Variants in SLC2A9 observed in about 807,000 individuals in gnomAD.
The protein encoded by SLC2A9 is solute carrier family 2, facilitated glucose transporter member 9.
In SLC2A9, 39 loss-of-function variants were observed where a neutral mutation model predicts 50.6. The ratio of observed to expected loss-of-function variants is 0.77; its 90% CI spans 0.60 to 1.01. The LOEUF (loss-of-function observed/expected upper bound fraction) is 1.01, where lower values mean the gene tolerates loss of function less well. Ranked by LOEUF, SLC2A9 falls within the 50% of genes least tolerant of loss-of-function variation. The probability of loss-of-function intolerance (pLI) is 0.00; values close to 1 mark genes in which losing one functional copy is unlikely to be tolerated. For missense variants in SLC2A9, 686 were observed against 677.6 expected (o/e 1.01, Z -0.14); for synonymous variants, 324 against 276.9 (o/e 1.17, Z -1.69).
chr4:9,850,037 C>T (rs1253577277), intron 10 of SLC2A9, among the ~76,000 whole-genome samples: 2 of 151,742 alleles, frequency 1.3e-5, no homozygotes, highest in East Asian at 3.9e-4. Context: ...ACTCAAGCCA[C>T]ATCTTCAGAG....
At chr4:9,941,691 C>T (rs962672324) in intron 6 of SLC2A9, among the ~76,000 whole-genome samples, 1 of 152,194 alleles carries the variant, frequency 6.6e-6, no homozygotes, top group Non-Finnish European at 1.5e-5. Flanking sequence ...TTTCCAGATT[C>T]CCTGGGAGAC....
intron 6 of SLC2A9, among the ~76,000 whole-genome samples, chr4:9,938,493 G>A (rs1024502213): frequency 3.9e-5 from 6 of 152,132 alleles, no homozygotes. Context: ...GGATGGTCTC[G>A]ATCTCCTGAC....
chr4:9,877,949 C>T lies in SLC2A9; in HGVS notation c.1291+9618G>A, dbSNP rs115610417. Among the ~76,000 whole-genome samples the T allele has an allele frequency of 6.2e-3, 948 of 152,176 alleles. 12 individuals carry two copies. The highest frequency in any genetic ancestry group is 0.022 in the African/African-American group (897 of 41,506). On this transcript the variant is annotated intron_variant, in intron 10 of 11. Transcript: ENST00000264784. ...ACTGTTTGCAGGAGGGTTTCCTCCTCGGGGTCAGCCGGGGCCAGCAGCCAA... is the reference window on the plus strand; with the variant it reads ...ACTGTTTGCAGGAGGGTTTCCTCCTTGGGGTCAGCCGGGGCCAGCAGCCAA...
intron 3 of SLC2A9, among the ~76,000 whole-genome samples, chr4:9,805,752 A>G (rs1440971706): frequency 5.5e-5 from 8 of 145,398 alleles, no homozygotes; most frequent in Non-Finnish European, 1.2e-4. Flanking sequence ...AGAAGCATCC[A>G]CTCTATCTTC....
chr4:9,927,297 G>A (rs979435203), intron 6 of SLC2A9, among the ~76,000 whole-genome samples: 2 of 152,190 alleles, frequency 1.3e-5, no homozygotes, highest in Admixed American at 1.3e-4. Flanking sequence ...GATTACAGGC[G>A]TGAGCCACCA....
intron 10 of SLC2A9, among the ~76,000 whole-genome samples, chr4:9,878,166 G>T (rs946494800): frequency 7.3e-5 from 11 of 151,468 alleles, no homozygotes; most frequent in African/African-American, 2.4e-4. Flanking sequence ...ATATAAAATT[G>T]CAATATATAT....
At chr4:9,925,616 T>C (rs1744753222) in intron 6 of SLC2A9, among the ~76,000 whole-genome samples, 1 of 152,208 alleles carries the variant, frequency 6.6e-6, no homozygotes, top group Non-Finnish European at 1.5e-5. Context: ...AAAATCAATG[T>C]GTGTTAAGTG....
chr4:9,792,438 T>C (rs1720063459), intron 3 of SLC2A9, among the ~76,000 whole-genome samples: 2 of 151,842 alleles, frequency 1.3e-5, no homozygotes, highest in African/African-American at 4.8e-5. Context: ...TTCTTCTGCC[T>C]CAGCCCCCAC....
rs71179491 is a variant in SLC2A9, at chr4:9,772,825, AT to A, written n.182-1457del. Among the ~76,000 whole-genome samples the A allele has an allele frequency of 2.0e-3, 291 of 147,882 alleles. 1 individual carries two copies. The highest frequency in any genetic ancestry group is 6.4e-3 in the African/African-American group (256 of 40,112). On this transcript the variant is annotated intron_variant and non_coding_transcript_variant, in intron 1 of 1. Transcript: ENST00000508585. Reference sequence around the variant, plus strand: ...GGGATGCCATTTTATTTTTTTTTTTATTTTTTTTTTATTATACTCTAAGTTT... The same window carrying A: ...GGGATGCCATTTTATTTTTTTTTTTATTTTTTTTTATTATACTCTAAGTTT...
At chr4:10,008,539 T>C (rs1160777451) in intron 2 of SLC2A9, among the ~76,000 whole-genome samples, 4 of 152,242 alleles carry the variant, frequency 2.6e-5, no homozygotes, top group Non-Finnish European at 4.4e-5. Flanking sequence ...ACACTGCTGT[T>C]AAACATCCTG....
At chr4:9,884,209 A>G (rs1735753561) in intron 10 of SLC2A9, among the ~76,000 whole-genome samples, 1 of 152,208 alleles carries the variant, frequency 6.6e-6, no homozygotes, top group Non-Finnish European at 1.5e-5. Flanking sequence ...AGTGACTCAG[A>G]ATTCAGACTG....
chr4:9,879,785 T>G (rs192979234), intron 10 of SLC2A9: 406 of 985,440 alleles, frequency 4.1e-4, no homozygotes, highest in Middle Eastern at 3.7e-3. Context: ...ATTGACACAT[T>G]TTGGCAACGA....
At chr4:9,776,275 G>A (rs1184059519), downstream of SLC2A9, among the ~76,000 whole-genome samples, 3 of 151,668 alleles carry the variant, frequency 2.0e-5, no homozygotes, top group African/African-American at 4.8e-5. Context: ...GGGCAGGAGA[G>A]TGGCTTAGAA....
intron 2 of SLC2A9, among the ~76,000 whole-genome samples, chr4:10,001,014 C>T (rs1329048748): frequency 6.6e-6 from 1 of 152,182 alleles, no homozygotes; most frequent in Non-Finnish European, 1.5e-5. Context: ...ACTCCCCAAA[C>T]CTCAGAATGG....
At chr4:9,905,273 C>A (rs1740451450) in intron 8 of SLC2A9, among the ~76,000 whole-genome samples, 2 of 152,234 alleles carry the variant, frequency 1.3e-5, no homozygotes, top group Non-Finnish European at 2.9e-5. Context: ...AGCAAAACAT[C>A]ATTTATCCTT....
At chr4:9,795,801 G>A (rs945934151), downstream of SLC2A9, among the ~76,000 whole-genome samples, 1 of 152,182 alleles carries the variant, frequency 6.6e-6, no homozygotes, top group African/African-American at 2.4e-5. Context: ...TGTGTGGCTA[G>A]AGGGCATTTT....
intron 5 of SLC2A9, among the ~76,000 whole-genome samples, chr4:9,957,192 A>G (rs1287453620): frequency 2.0e-5 from 3 of 152,014 alleles, no homozygotes; most frequent in Admixed American, 2.0e-4. Flanking sequence ...CATACCAGAT[A>G]CAGCAGCAAA....
At chr4:9,831,516 G>A (rs6449027) in intron 11 of SLC2A9, among the ~76,000 whole-genome samples, 143,302 of 152,256 alleles carry the variant, frequency 0.94, 67,714 homozygotes, top group Non-Finnish European at 0.96. Context: ...GCCATAACAT[G>A]GGAAGGGCAT....
intron 3 of SLC2A9, among the ~76,000 whole-genome samples, chr4:9,989,142 T>G (rs879702465): frequency 6.6e-6 from 1 of 152,210 alleles, no homozygotes; most frequent in Non-Finnish European, 1.5e-5. Context: ...CCAGCTTGAA[T>G]TCCTTGGCTC....
Sources: gnomAD v4.1 joint callset for allele counts (sites outside exome capture counted in the v4.1 genomes callset) on GRCh38, gnomAD v4.1.1 for gene constraint, MANE v1.5 for transcripts, NCBI Gene and HGNC (gene_info 2026-07-23, HGNC 2026-07-21) for gene names.